ST8SIA2: variants seen among roughly 807,000 people sequenced by gnomAD.
The protein encoded by ST8SIA2 is ST8 alpha-N-acetyl-neuraminide alpha-2,8-sialyltransferase 2, also known as alpha-2,8-sialyltransferase 8B.
ST8SIA2 carries 22 observed loss-of-function variants against 37.6 expected under a neutral mutation model. The observed-to-expected ratio is 0.58, with a 90% CI of 0.42 to 0.83. The LOEUF is 0.83. Ranked by LOEUF, ST8SIA2 falls within the 40% of genes least tolerant of loss-of-function variation. The pLI is 0.00. For synonymous variants in ST8SIA2, 205 were observed against 201.2 expected (o/e 1.02, Z -0.16); for missense variants, 382 against 484.7 (o/e 0.79, Z 1.99).
chr15:92,398,606 G>A (rs1251568435), intron 1 of ST8SIA2, among the ~76,000 whole-genome samples: 1 of 152,210 alleles, frequency 6.6e-6, no homozygotes, highest in Non-Finnish European at 1.5e-5. Context: ...CCAGATGCTA[G>A]GCTAACTGCT....
chr15:92,461,233 C>T (rs2049955249), intron 5 of ST8SIA2, among the ~76,000 whole-genome samples: 1 of 152,112 alleles, frequency 6.6e-6, no homozygotes, highest in South Asian at 2.1e-4. Flanking sequence ...ATAGTCTGCC[C>T]CTCACATTCC....
chr15:92,455,331 C>T (rs759544113), intron 5 of ST8SIA2, among the ~76,000 whole-genome samples: 1 of 152,032 alleles, frequency 6.6e-6, no homozygotes, highest in African/African-American at 2.4e-5. Context: ...AGGTGGCTCC[C>T]GGCATTTGTG....
chr15:92,464,188 T>C lies in ST8SIA2; in HGVS notation c.931T>C (p.Tyr311His). Reference sequence around the variant, plus strand: ...GGCCACACGTTTCTGCAAACAAATCTACCTCTACGGCTTCTGGCCCTTTCC... The same window carrying C: ...GGCCACACGTTTCTGCAAACAAATCCACCTCTACGGCTTCTGGCCCTTTCC... Reference protein sequence around the residue: ...TLATRFCKQIYLYGFWPFPLD... With the variant: ...TLATRFCKQIHLYGFWPFPLD... The change falls in exon 6 of 6, where the codon TAC (tyrosine) becomes CAC (histidine). Residue 311 changes from tyrosine (Y) to histidine (H), a missense_variant. By Grantham distance (83) the Tyr-to-His change is moderately conservative. Transcript: ENST00000268164. 6.5e-7 allele frequency: 1 copy of C among 1,547,376 alleles called. No individual in the cohort carries two copies. Among genetic ancestry groups the C allele is most frequent in the Non-Finnish European group, 8.8e-7 (1 of 1,138,096 alleles).
intron 2 of ST8SIA2, among the ~76,000 whole-genome samples, chr15:92,432,741 CAGA>C (rs1395547111): frequency 6.6e-6 from 1 of 152,104 alleles, no homozygotes; most frequent in African/African-American, 2.4e-5. Context: ...TGATATCAGC[CAGA>C]AGGAGTCAGA....
chr15:92,397,773 G>T (rs1378920632), intron 1 of ST8SIA2, among the ~76,000 whole-genome samples: 2 of 152,212 alleles, frequency 1.3e-5, no homozygotes, highest in African/African-American at 2.4e-5. Flanking sequence ...ATAAACATCT[G>T]TTGGATAAAT....
At chr15:92,431,045 C>G (rs1006548962) in intron 2 of ST8SIA2, among the ~76,000 whole-genome samples, 2 of 152,176 alleles carry the variant, frequency 1.3e-5, no homozygotes, top group African/African-American at 4.8e-5. Context: ...ATCATTGCTT[C>G]TAGCTCTCTA....
Position 92,464,686 on chromosome 15 carries a change from A to G in ST8SIA2, c.*301A>G. 1 of 409,738 alleles carries G rather than the reference A, an allele frequency of 2.4e-6. No individual in the cohort carries two copies. Among genetic ancestry groups the G allele is most frequent in the Non-Finnish European group, 4.5e-6 (1 of 224,130 alleles). 25.4% of individuals were successfully genotyped at this position (409,738 alleles called of 1,614,324 possible). On this transcript the variant is annotated 3_prime_UTR_variant, in exon 6 of 6. Transcript: ENST00000268164. ...TGGGGGTGGAAGGACTTGACATGAA[A>G]AGAAGCCAGTCCCATGACTTTGGAT...
chr15:92,440,802 C>T (rs1306130189), intron 4 of ST8SIA2, among the ~76,000 whole-genome samples: 2 of 152,202 alleles, frequency 1.3e-5, no homozygotes, highest in Admixed American at 6.5e-5. Flanking sequence ...GGCCAAAGCC[C>T]CACACTAACA....
rs1305347751 is a variant in ST8SIA2, at chr15:92,462,914, G to A, written c.843-1186G>A. ...AGAGGGAGAATAACTGTGATGGAAC[G>A]TAAGAGGATGACAAATAGAATGGAT... On this transcript the variant is annotated intron_variant, in intron 5 of 5. Coordinates refer to ENST00000268164, the MANE Select transcript of ST8SIA2 (RefSeq NM_006011.4). Among the ~76,000 whole-genome samples, 5 of 152,354 alleles carry A rather than the reference G, an allele frequency of 3.3e-5. No individual in the cohort carries two copies. The East Asian group carries it at 7.7e-4, about 24-fold the overall frequency.
chr15:92,426,340 G>A (rs1258638625), intron 1 of ST8SIA2, among the ~76,000 whole-genome samples: 3 of 152,126 alleles, frequency 2.0e-5, no homozygotes, highest in African/African-American at 7.2e-5. Flanking sequence ...GATGTGGATG[G>A]GCGGGCTGGT....
intron 1 of ST8SIA2, among the ~76,000 whole-genome samples, chr15:92,425,014 G>A (rs1007636546): frequency 3.9e-5 from 6 of 152,120 alleles, no homozygotes; most frequent in Admixed American, 6.6e-5. Context: ...TCTTTATAGT[G>A]TGCAAAAAGT....
rs73531783 is a variant in ST8SIA2, at chr15:92,463,945, C to G, written c.843-155C>G. 0.058 allele frequency among the ~76,000 whole-genome samples: 8,881 copies of G among 152,110 alleles called. 889 individuals are homozygous for G. Among genetic ancestry groups the G allele is most frequent in the African/African-American group, 0.2 (8,332 of 41,446 alleles). On this transcript the variant is annotated intron_variant, in intron 5 of 5. Transcript: ENST00000268164. ...GTTCAGTTGCTTCATGTGCTTGTCA[C>G]TCCTCTGTGGAGGGAACCAGGGATG...
intron 5 of ST8SIA2, among the ~76,000 whole-genome samples, chr15:92,456,966 C>T (rs548073600): frequency 2.6e-5 from 4 of 152,326 alleles, no homozygotes; most frequent in South Asian, 4.1e-4. Context: ...AATTCTAAGA[C>T]GAAGTCCTCA....
At chr15:92,397,047 C>T in intron 1 of ST8SIA2, among the ~76,000 whole-genome samples, 1 of 152,136 alleles carries the variant, frequency 6.6e-6, no homozygotes, top group Non-Finnish European at 1.5e-5. Context: ...CGTGTCGGCC[C>T]CTGGGAGAAA....
At chr15:92,399,148 G>A (rs1369759828) in intron 1 of ST8SIA2, among the ~76,000 whole-genome samples, 2 of 152,208 alleles carry the variant, frequency 1.3e-5, no homozygotes, top group African/African-American at 4.8e-5. Flanking sequence ...CAGGAGGAAG[G>A]AAAGCTCCTA....
chr15:92,426,700 C>G (rs796793280), intron 1 of ST8SIA2, among the ~76,000 whole-genome samples: 4 of 152,306 alleles, frequency 2.6e-5, no homozygotes, highest in African/African-American at 9.6e-5. Flanking sequence ...GAAATAAGTT[C>G]TAGAGGTCTG....
chr15:92,463,086 A>G (rs1255276830), intron 5 of ST8SIA2, among the ~76,000 whole-genome samples: 1 of 152,250 alleles, frequency 6.6e-6, no homozygotes, highest in African/African-American at 2.4e-5. Flanking sequence ...TCAAAGGCAC[A>G]CAGATAGTTG....
rs533210514 is a variant in ST8SIA2, at chr15:92,464,109, G to A, written c.852G>A (p.Leu284=). The change falls in exon 6 of 6, where the codon CTG becomes CTA. Residue 284 remains leucine, a synonymous_variant. Coordinates refer to ENST00000268164, the MANE Select transcript of ST8SIA2 (RefSeq NM_006011.4). The stretch of plus-strand genomic sequence containing the variant: ...TTTTTTTTTTTTCCAGATACTGGCT[G>A]ACCAACAAAGTCCACATCAAAAGAC... ...RLLHAVRGYW[L]TNKVHIKRPT... is the part of the protein sequence containing the mutation. 6 of 898,498 alleles carry A rather than the reference G, an allele frequency of 6.7e-6. No homozygotes were observed. The East Asian group carries it at 1.5e-4, about 23-fold the overall frequency. 55.7% of individuals were successfully genotyped at this position (898,498 alleles called of 1,614,324 possible).
At chr15:92,458,133 T>C (rs1050584857) in intron 5 of ST8SIA2, among the ~76,000 whole-genome samples, 1 of 152,190 alleles carries the variant, frequency 6.6e-6, no homozygotes, top group Non-Finnish European at 1.5e-5. Flanking sequence ...TCCAGCACTT[T>C]AGCACAACAG....
Sources: allele counts gnomAD v4.1 joint callset (sites outside exome capture counted in the v4.1 genomes callset), GRCh38; gene constraint gnomAD v4.1.1; transcripts MANE v1.5; gene names NCBI Gene and HGNC (gene_info 2026-07-23, HGNC 2026-07-21).